Variants in PLCE1 observed in about 807,000 individuals in gnomAD.
The protein encoded by PLCE1 is phospholipase C epsilon 1, also known as 1-phosphatidylinositol 4,5-bisphosphate phosphodiesterase epsilon-1.
Under a neutral mutation model 242.8 loss-of-function variants are expected in PLCE1, and 119 were observed. That is an observed-to-expected ratio of 0.49 (90% CI 0.42 to 0.57). PLCE1 has a LOEUF of 0.57. PLCE1 is among the 20% of genes least tolerant of loss of function. The pLI is 0.00. For synonymous variants in PLCE1, 945 were observed against 1,017.4 expected (o/e 0.93, Z 1.35); for missense variants, 2,441 against 2,788.8 (o/e 0.88, Z 2.81).
At chr10:94,172,915 G>A (rs993709769) in intron 4 of PLCE1, among the ~76,000 whole-genome samples, 5 of 152,224 alleles carry the variant, frequency 3.3e-5, no homozygotes, top group Admixed American at 6.5e-5. Flanking sequence ...GGTTGTAAAT[G>A]TCAGTGACCA....
At chr10:94,266,946 C>T (rs972175974) in intron 16 of PLCE1, among the ~76,000 whole-genome samples, 3 of 152,156 alleles carry the variant, frequency 2.0e-5, no homozygotes, top group African/African-American at 4.8e-5. Context: ...GGGGCCTCAG[C>T]CCCCCACACT....
At chr10:94,289,246 G>A (rs1169703093) in intron 22 of PLCE1, among the ~76,000 whole-genome samples, 1 of 152,096 alleles carries the variant, frequency 6.6e-6, no homozygotes, top group Non-Finnish European at 1.5e-5. Flanking sequence ...AGGCCCTGCA[G>A]AGCATGGCAG....
chr10:94,162,571 A>G (rs1175609066), intron 3 of PLCE1, among the ~76,000 whole-genome samples: 6 of 151,852 alleles, frequency 4.0e-5, no homozygotes, highest in Admixed American at 2.0e-4. Flanking sequence ...TCTTGCTAGC[A>G]GTCTATCAAT....
At chr10:94,154,058 T>C (rs1293421736) in intron 3 of PLCE1, among the ~76,000 whole-genome samples, 1 of 152,214 alleles carries the variant, frequency 6.6e-6, no homozygotes, top group Non-Finnish European at 1.5e-5. Context: ...TAAAGATTTC[T>C]TATTTCAAAA....
At chr10:94,064,522 A>T (rs1468799945) in intron 2 of PLCE1, among the ~76,000 whole-genome samples, 1 of 152,138 alleles carries the variant, frequency 6.6e-6, no homozygotes, top group Non-Finnish European at 1.5e-5. Flanking sequence ...AGCCTGGGTG[A>T]CAGAGTGAGA....
intron 4 of PLCE1, among the ~76,000 whole-genome samples, chr10:94,224,227 T>C (rs1361889592): frequency 6.6e-6 from 1 of 152,160 alleles, no homozygotes; most frequent in Non-Finnish European, 1.5e-5. Context: ...AAATTAGGTT[T>C]CCATGTGAAA....
Position 94,032,163 on chromosome 10 carries a change from C to T in PLCE1, c.1117C>T (p.Leu373=). Residue 373 remains leucine (L), a synonymous_variant, in exon 2 of 33, where the codon CTG becomes TTG. Transcript: ENST00000371380. The part of the protein sequence containing the change: ...YIDQKRNGPL[L]PCGRVMEPPS... ...AGATCAGAAGAGAAATGGTCCCTTACTGCCTTGTGGGAGAGTAATGGAACC... is the reference window on the plus strand; with the variant it reads ...AGATCAGAAGAGAAATGGTCCCTTATTGCCTTGTGGGAGAGTAATGGAACC... 1 of 1,610,210 alleles carries T rather than the reference C, an allele frequency of 6.2e-7. No individual in the cohort carries two copies. The highest frequency in any genetic ancestry group is 8.5e-7 in the Non-Finnish European group (1 of 1,178,986).
At chr10:94,125,682 G>A (rs1038772183) in intron 2 of PLCE1, among the ~76,000 whole-genome samples, 1 of 152,128 alleles carries the variant, frequency 6.6e-6, no homozygotes, top group African/African-American at 2.4e-5. Flanking sequence ...TTATTATTGA[G>A]TCAATGGACC....
At chr10:94,038,049 G>C (rs771065438) in intron 2 of PLCE1, among the ~76,000 whole-genome samples, 1 of 152,136 alleles carries the variant, frequency 6.6e-6, no homozygotes, top group Non-Finnish European at 1.5e-5. Context: ...AGTGGGCAAG[G>C]ATAAAACCAT....
intron 3 of PLCE1, chr10:94,139,532 C>T: frequency 6.5e-6 from 1 of 153,788 alleles, no homozygotes. Context: ...TGGCTTCTTG[C>T]TGGGTCCCCT....
intron 3 of PLCE1, among the ~76,000 whole-genome samples, chr10:94,147,586 A>G (rs2047155187): frequency 6.6e-6 from 1 of 152,226 alleles, no homozygotes. Context: ...TATGCTAGGC[A>G]CTATATTGTG....
intron 2 of PLCE1, among the ~76,000 whole-genome samples, chr10:94,111,706 G>T (rs2045961101): frequency 6.6e-6 from 1 of 152,204 alleles, no homozygotes; most frequent in Admixed American, 6.5e-5. Context: ...CTATAGGAAA[G>T]ATCTCTAGAA....
At chr10:94,256,854 A>G (rs1424352005) in intron 11 of PLCE1, among the ~76,000 whole-genome samples, 1 of 152,226 alleles carries the variant, frequency 6.6e-6, no homozygotes, top group African/African-American at 2.4e-5. Context: ...GAATGCTATT[A>G]AGGGAGAAAG....
intron 3 of PLCE1, among the ~76,000 whole-genome samples, chr10:94,165,951 C>T (rs1489636554): frequency 1.3e-5 from 2 of 152,114 alleles, no homozygotes; most frequent in East Asian, 3.9e-4. Flanking sequence ...AGTTGATCCA[C>T]CCTCCTCGCC....
intron 23 of PLCE1, among the ~76,000 whole-genome samples, chr10:94,295,212 G>A (rs116592549): frequency 0.021 from 3,148 of 152,014 alleles, 31 homozygotes; most frequent in South Asian, 0.041. Context: ...CACCGCGCCC[G>A]GCCATGGTAG....
At chr10:94,309,417 A>T (rs1337852757) in intron 27 of PLCE1, among the ~76,000 whole-genome samples, 1 of 151,884 alleles carries the variant, frequency 6.6e-6, no homozygotes, top group East Asian at 1.9e-4. Flanking sequence ...TGCAGCCTCG[A>T]CCTTCCTGGC....
chr10:94,325,024 G>A lies in PLCE1; in HGVS notation c.6853G>A (p.Glu2285Lys), dbSNP rs1235337295. The A allele has an allele frequency of 1.9e-6, 3 of 1,613,616 alleles. No homozygotes were observed. Residue 2285 changes from glutamate to lysine, a missense_variant, in exon 32 of 33, where the codon GAG becomes AAG. Transcript: ENST00000371380. ...LLTSESIQTK[E>K]EKPVGGLSSS... The stretch of plus-strand genomic sequence containing the variant: ...GACCTCAGAAAGTATCCAAACCAAG[G>A]AGGAGAAACCTGTGGGTGGCTTGTC...
intron 4 of PLCE1, among the ~76,000 whole-genome samples, chr10:94,171,795 C>T (rs56153187): frequency 6.6e-6 from 1 of 152,136 alleles, no homozygotes; most frequent in Non-Finnish European, 1.5e-5. Context: ...ACCCCTTCCT[C>T]TCCCCTACCA....
intron 3 of PLCE1, among the ~76,000 whole-genome samples, chr10:94,152,378 T>A (rs2047302606): frequency 6.6e-6 from 1 of 152,236 alleles, no homozygotes; most frequent in African/African-American, 2.4e-5. Flanking sequence ...AAATGTGTAA[T>A]AGCATTTGGT....
Sources: allele counts gnomAD v4.1 joint callset (sites outside exome capture counted in the v4.1 genomes callset), GRCh38; gene constraint gnomAD v4.1.1; transcripts MANE v1.5; gene names NCBI Gene and HGNC (gene_info 2026-07-23, HGNC 2026-07-21).